PODXL2: variants seen among roughly 807,000 people sequenced by gnomAD.
PODXL2 encodes podocalyxin-like protein 2.
In PODXL2, 17 loss-of-function variants were observed where a neutral mutation model predicts 53.4. The observed-to-expected ratio is 0.32, with a 90% CI of 0.22 to 0.48. The LOEUF is 0.48. Ranked by LOEUF, PODXL2 falls within the 20% of genes least tolerant of loss-of-function variation. PODXL2 has a pLI of 0.99. For missense variants in PODXL2, 673 were observed against 760.0 expected, an observed-to-expected ratio of 0.89 and a Z score of 1.35; for synonymous variants, 311 against 306.7, an observed-to-expected ratio of 1.01 and a Z score of -0.15.
In PODXL2 at chr3:127,629,364, G is replaced by A; in HGVS notation, c.70+75G>A. On this transcript the variant is annotated intron_variant, in intron 1 of 7. Coordinates refer to ENST00000342480, the MANE Select transcript of PODXL2 (RefSeq NM_015720.4). This position sits in a 1 kb window ranked among gnomAD's most constrained non-coding sequence, Gnocchi z 6.4. The stretch of plus-strand genomic sequence containing the variant: ...GCGGTGCTGGACAGCTCCCCGGGCC[G>A]CCAACAAAGGGGCCAGAGTGCGGCG... The A allele has an allele frequency of 1.0e-6, 1 of 993,548 alleles. No individual in the cohort carries two copies. The highest frequency in any genetic ancestry group is 1.2e-6 in the Non-Finnish European group (1 of 834,584). The allele number at this position is 993,548 out of a possible 1,614,324, so 61.5% of individuals were successfully genotyped here. A position where few individuals can be genotyped will look rare whatever the true frequency, so the allele number is the denominator to read the frequency against.
At chr3:127,666,621 C>T (rs2074796259) in intron 4 of PODXL2, among the ~76,000 whole-genome samples, 1 of 152,122 alleles carries the variant, frequency 6.6e-6, no homozygotes, top group Non-Finnish European at 1.5e-5. Context: ...GTTGTCTGTG[C>T]AGGAGTTGGA....
intron 1 of PODXL2, among the ~76,000 whole-genome samples, chr3:127,634,339 C>A (rs1448961229): frequency 6.6e-6 from 1 of 151,738 alleles, no homozygotes; most frequent in African/African-American, 2.4e-5. Context: ...GCAGGAGAAT[C>A]GCTTGAACTC....
intron 1 of PODXL2, among the ~76,000 whole-genome samples, chr3:127,631,689 T>G (rs1346021528): frequency 6.6e-5 from 10 of 152,226 alleles, no homozygotes; most frequent in Admixed American, 5.9e-4. Context: ...ATACACAGAA[T>G]GGCTATGTCT....
intron 1 of PODXL2, among the ~76,000 whole-genome samples, chr3:127,638,883 T>C (rs2074595683): frequency 1.3e-5 from 2 of 152,156 alleles, no homozygotes; most frequent in South Asian, 4.1e-4. Context: ...GCATGGGCCC[T>C]GTCTTCACTT....
chr3:127,638,837 CTG>C (rs1165645052), intron 1 of PODXL2, among the ~76,000 whole-genome samples: 1 of 152,226 alleles, frequency 6.6e-6, no homozygotes, highest in African/African-American at 2.4e-5. Flanking sequence ...CTGGGGAACA[CTG>C]TGTTCGTCCA....
chr3:127,668,947 T>A (rs559822834), intron 5 of PODXL2, among the ~76,000 whole-genome samples, 194 bp from the exon 6 acceptor site: 1 of 152,274 alleles, frequency 6.6e-6, no homozygotes, highest in Admixed American at 6.5e-5. Flanking sequence ...TACAAATCGA[T>A]GTTCTAACAG....
Position 127,672,748 on chromosome 3 carries a change from T to G in PODXL2, c.*268T>G. 2 of 395,446 alleles carry G rather than the reference T, an allele frequency of 5.1e-6. No individual in the cohort carries two copies. The highest frequency in any genetic ancestry group is 2.1e-5 in the African/African-American group (1 of 47,422). 24.5% of individuals were successfully genotyped at this position (395,446 alleles called of 1,614,324 possible). On this transcript the variant is annotated 3_prime_UTR_variant, in exon 8 of 8. Transcript: ENST00000342480. ...CGGCCCCGCGGGCGGCGGGCGGCGCTTCCTGCGCCCCGGGACTCAATTAAA... is the reference window on the plus strand; with the variant it reads ...CGGCCCCGCGGGCGGCGGGCGGCGCGTCCTGCGCCCCGGGACTCAATTAAA...
intron 4 of PODXL2, among the ~76,000 whole-genome samples, chr3:127,668,155 G>C (rs1559879405): frequency 6.7e-6 from 1 of 148,926 alleles, no homozygotes; most frequent in African/African-American, 2.5e-5. Flanking sequence ...CCCAGCCCCC[G>C]CCCCGCTCAA....
chr3:127,672,506 G>T lies in PODXL2; in HGVS notation c.*26G>T. On this transcript the variant is annotated 3_prime_UTR_variant, in exon 8 of 8. Transcript: ENST00000342480. Reference sequence around the variant, plus strand: ...GCGCAGCCGAGGCGCAGGCCGAGTGGGCCGCCAGGACCAAGCGAGGTGGAC... The same window carrying T: ...GCGCAGCCGAGGCGCAGGCCGAGTGTGCCGCCAGGACCAAGCGAGGTGGAC... 2 of 1,414,886 alleles carry T rather than the reference G, an allele frequency of 1.4e-6. No homozygotes were observed. Among genetic ancestry groups the T allele is most frequent in the Non-Finnish European group, 9.4e-7 (1 of 1,067,040 alleles). The allele number at this position is 1,414,886 out of a possible 1,614,324, so 87.6% of individuals were successfully genotyped here. A position where few individuals can be genotyped will look rare whatever the true frequency, so the allele number is the denominator to read the frequency against.
At chr3:127,646,622 G>A (rs1339721927) in intron 2 of PODXL2, among the ~76,000 whole-genome samples, 3 of 152,120 alleles carry the variant, frequency 2.0e-5, no homozygotes, top group Admixed American at 6.6e-5. Flanking sequence ...TCCTGACCTC[G>A]TGATCTGCCC....
At chr3:127,631,044 T>C (rs2074542131) in intron 1 of PODXL2, among the ~76,000 whole-genome samples, 1 of 152,208 alleles carries the variant, frequency 6.6e-6, no homozygotes, top group Admixed American at 6.5e-5. Context: ...TCTTACCCCC[T>C]GCTTGGAGGG....
intron 1 of PODXL2, among the ~76,000 whole-genome samples, chr3:127,632,049 G>C (rs771908617): frequency 1.3e-5 from 2 of 152,206 alleles, no homozygotes; most frequent in African/African-American, 2.4e-5. Context: ...GAGAGGTGGG[G>C]GCTCACTGGA....
chr3:127,671,801 C>G (rs774180705), intron 7 of PODXL2, among the ~76,000 whole-genome samples, 188 bp downstream of exon 7: 20 of 152,212 alleles, frequency 1.3e-4, no homozygotes, highest in Non-Finnish European at 2.5e-4. Context: ...GCCAGAGGTG[C>G]AGGGAGTGAG....
At chr3:127,632,529 C>T (rs543200306) in intron 1 of PODXL2, among the ~76,000 whole-genome samples, 1 of 152,310 alleles carries the variant, frequency 6.6e-6, no homozygotes, top group South Asian at 2.1e-4. Context: ...TGCCCGGGTG[C>T]CCCGGGAACC....
chr3:127,671,511 C>T lies in PODXL2; in HGVS notation c.1503C>T (p.Leu501=). Residue 501 remains leucine (L), a synonymous_variant, in exon 7 of 8, where the codon CTC becomes CTT. Transcript: ENST00000342480. ...AGGTGCGCAGCGACTACGGCACGCT[C>T]TTCGTGGTGCTGGTGGTCATTGGGG... ...ASQVRSDYGT[L]FVVLVVIGAI... is the part of the protein sequence containing the mutation. 1 of 1,614,184 alleles carries T rather than the reference C, an allele frequency of 6.2e-7. No individual in the cohort carries two copies. The highest frequency in any genetic ancestry group is 2.2e-5 in the East Asian group (1 of 44,876).
intron 2 of PODXL2, among the ~76,000 whole-genome samples, chr3:127,659,817 C>G (rs1559877364): frequency 6.6e-6 from 1 of 152,220 alleles, no homozygotes; most frequent in Non-Finnish European, 1.5e-5. Flanking sequence ...CTCTGGCTCT[C>G]CCTACATCTT....
rs1272830209 is a variant in PODXL2, at chr3:127,672,438, C to T, written c.1776C>T (p.Asp592=). 3 of 1,538,924 alleles carry T rather than the reference C, an allele frequency of 1.9e-6. No homozygotes were observed. Among genetic ancestry groups the T allele is most frequent in the African/African-American group, 2.7e-5 (2 of 72,926 alleles). The change falls in exon 8 of 8, where the codon GAC becomes GAT. Residue 592 remains aspartate, a synonymous_variant. Coordinates refer to ENST00000342480, the MANE Select transcript of PODXL2 (RefSeq NM_015720.4). ...GGGCGCTCATGGGGGGCAAGCGGGACCCCGAGGACTCGGACGTGTTCGAGG... is the reference window on the plus strand; with the variant it reads ...GGGCGCTCATGGGGGGCAAGCGGGATCCCGAGGACTCGGACGTGTTCGAGG... ...SWGALMGGKR[D]PEDSDVFEED...
chr3:127,651,073 T>G (rs1344384435), intron 2 of PODXL2, among the ~76,000 whole-genome samples: 1 of 152,190 alleles, frequency 6.6e-6, no homozygotes, highest in Non-Finnish European at 1.5e-5. Context: ...AAGACCAGCC[T>G]GACCAACATG....
At position 127,629,338 on chromosome 3, in the gene PODXL2, C is replaced by T; in HGVS notation, c.70+49C>T. On this transcript the variant is annotated intron_variant, in intron 1 of 7. Coordinates refer to ENST00000342480, the MANE Select transcript of PODXL2 (RefSeq NM_015720.4). The surrounding 1 kb of genome is among the most constrained non-coding windows in gnomAD (Gnocchi z 6.4). ...GCGGGAGGGCGGGCGGCGGCGTGGGCGCGGTGCTGGACAGCTCCCCGGGCC... is the reference window on the plus strand; with the variant it reads ...GCGGGAGGGCGGGCGGCGGCGTGGGTGCGGTGCTGGACAGCTCCCCGGGCC... The T allele has an allele frequency of 9.9e-7, 1 of 1,008,210 alleles. No individual in the cohort carries two copies. The highest frequency in any genetic ancestry group is 1.7e-5 in the African/African-American group (1 of 57,202). 62.5% of individuals were successfully genotyped at this position (1,008,210 alleles called of 1,614,324 possible). A position where few individuals can be genotyped will look rare whatever the true frequency, so the allele number is the denominator to read the frequency against.
Sources: allele counts gnomAD v4.1 joint callset (sites outside exome capture counted in the v4.1 genomes callset), GRCh38; gene constraint gnomAD v4.1.1; non-coding constraint Gnocchi (gnomAD v3.1); transcripts MANE v1.5; gene names NCBI Gene and HGNC (gene_info 2026-07-23, HGNC 2026-07-21).